CCDC106: variants seen among roughly 807,000 people sequenced by gnomAD.
CCDC106 encodes coiled-coil domain-containing protein 106.
A neutral mutation model predicts 24.7 loss-of-function variants in CCDC106; 17 were observed. The observed-to-expected ratio is 0.69, with a 90% CI of 0.47 to 1.03. The LOEUF (loss-of-function observed/expected upper bound fraction) is 1.03. Ranked by LOEUF, CCDC106 falls within the 50% of genes least tolerant of loss-of-function variation. CCDC106 has a pLI of 0.00. For synonymous variants in CCDC106, 211 were observed against 161.3 expected (o/e 1.31, Z -2.34); for missense variants, 337 against 388.9 (o/e 0.87, Z 1.12).
Position 55,651,435 on chromosome 19 carries a change from C to G in CCDC106, c.466C>G (p.Gln156Glu). The G allele has an allele frequency of 6.2e-7, 1 of 1,605,732 alleles. No individual in the cohort carries two copies. The highest frequency in any genetic ancestry group is 1.1e-5 in the South Asian group (1 of 89,826). ...CGCCAGTGAGAGGAGGCGGCAGAAG[C>G]AGAAGGGAGGTGCTAGTCGGAGGCG... ...GSASERRRQK[Q>E]KGGASRRRFG... Residue 156 changes from glutamine to glutamate, a missense_variant, in exon 4 of 5, where the codon CAG (glutamine) becomes GAG (glutamate). By Grantham distance (29) the Gln-to-Glu change is conservative. Transcript: ENST00000586790.
rs914679707 is a variant in CCDC106 at position 55,648,276 on chromosome 19, G to C, written c.-771G>C. Reference sequence around the variant, plus strand: ...GGTCCCCGAGCCGGATTCCGCGAGCGGGTGGGTGAGCGCGGGGGGCCTCGG... The same window carrying C: ...GGTCCCCGAGCCGGATTCCGCGAGCCGGTGGGTGAGCGCGGGGGGCCTCGG... On this transcript the variant is annotated 5_prime_UTR_variant, in exon 1 of 5. Coordinates refer to ENST00000586790, the MANE Select transcript of CCDC106 (RefSeq NM_001370470.1). 2 of 152,188 alleles carry C rather than the reference G, an allele frequency of 1.3e-5. No individual in the cohort carries two copies. The highest frequency in any genetic ancestry group is 2.9e-5 in the Non-Finnish European group (2 of 68,028). The allele number at this position is 152,188 out of a possible 1,614,324, so 9.4% of individuals were successfully genotyped here. A position where few individuals can be genotyped will look rare whatever the true frequency, so the allele number is the denominator to read the frequency against.
chr19:55,653,036 G>T lies in CCDC106; in HGVS notation c.*290G>T, dbSNP rs563939615. ...TCGAGTGGGGGACTGTACAGACCCC[G>T]TCTCCGCCCTGGCCCCGCGGAGGAG... On this transcript the variant is annotated 3_prime_UTR_variant, in exon 5 of 5. Coordinates refer to ENST00000586790, the MANE Select transcript of CCDC106 (RefSeq NM_001370470.1). The T allele has an allele frequency of 1.5e-4, 54 of 371,400 alleles. No individual in the cohort carries two copies. Among genetic ancestry groups the T allele is most frequent in the African/African-American group, 9.0e-4 (42 of 46,496 alleles). 23.0% of individuals were successfully genotyped at this position (371,400 alleles called of 1,614,324 possible). A position where few individuals can be genotyped will look rare whatever the true frequency, so the allele number is the denominator to read the frequency against.
Position 55,648,281 on chromosome 19 carries a change from G to A in CCDC106, c.-766G>A, listed in dbSNP as rs968766982. ...CCGAGCCGGATTCCGCGAGCGGGTG[G>A]GTGAGCGCGGGGGGCCTCGGCCCCT... is the stretch of plus-strand genomic sequence containing the variant. On this transcript the variant is annotated 5_prime_UTR_variant, in exon 1 of 5. Transcript: ENST00000586790. 1 of 152,184 alleles carries A rather than the reference G, an allele frequency of 6.6e-6. No homozygotes were observed. The highest frequency in any genetic ancestry group is 1.5e-5 in the Non-Finnish European group (1 of 68,018). 9.4% of individuals were successfully genotyped at this position (152,184 alleles called of 1,614,324 possible).
rs1457643594 is a variant in CCDC106 at position 55,649,031 on chromosome 19, C to T, written c.-16C>T. Reference sequence around the variant, plus strand: ...CCTGAGGCCCTCGGCTGCTGGGGTCCGTAGGAAGCCGCGCCATGAATGACC... The same window carrying T: ...CCTGAGGCCCTCGGCTGCTGGGGTCTGTAGGAAGCCGCGCCATGAATGACC... On this transcript the variant is annotated 5_prime_UTR_variant, in exon 1 of 5. Coordinates refer to ENST00000586790, the MANE Select transcript of CCDC106 (RefSeq NM_001370470.1). 2 of 1,612,652 alleles carry T rather than the reference C, an allele frequency of 1.2e-6. No homozygotes were observed. Among genetic ancestry groups the T allele is most frequent in the Admixed American group, 1.7e-5 (1 of 60,020 alleles).
At position 55,649,450 on chromosome 19, in the gene CCDC106, G is replaced by A; in HGVS notation, c.179G>A (p.Ser60Asn). The change falls in exon 3 of 5, where the codon AGC becomes AAC. Residue 60 changes from serine to asparagine, a missense_variant. Ser to Asn is a conservative substitution (Grantham distance 46). Around this residue, in one of 2 missense-constraint regions of CCDC106, gnomAD observed 234 missense variants for 236.5 expected, o/e 0.99. Transcript: ENST00000586790. ...AASSALALMNSVKTQLHMALE... is the reference protein window; with the variant it reads ...AASSALALMNNVKTQLHMALE... ...TCCTCCGCCCTGGCTCTGATGAACA[G>A]CGTCAAGACCCAGCTGCACATGGCT... 4.3e-6 allele frequency: 7 copies of A among 1,614,136 alleles called. No individual in the cohort carries two copies. Among genetic ancestry groups the A allele is most frequent in the Non-Finnish European group, 5.9e-6 (7 of 1,179,994 alleles).
upstream of CCDC106, among the ~76,000 whole-genome samples, chr19:55,647,552 G>A (rs1276277661): frequency 6.6e-6 from 1 of 152,178 alleles, no homozygotes; most frequent in Non-Finnish European, 1.5e-5. Context: ...AATTTAGAAG[G>A]GCTTGTAATT....
In CCDC106 at chr19:55,652,008, CCACCTTGGG is replaced by C. The variant is rs1334847673; in HGVS notation, c.527-416_527-408del. 6.6e-6 allele frequency among the ~76,000 whole-genome samples: 1 copy of C among 152,106 alleles called. No homozygotes were observed. Among genetic ancestry groups the C allele is most frequent in the Non-Finnish European group, 1.5e-5 (1 of 68,018 alleles). On this transcript the variant is annotated intron_variant, in intron 4 of 4. Transcript: ENST00000586790. The surrounding 1 kb of genome is among the most constrained non-coding windows in gnomAD (Gnocchi z 5.9). ...TTTTGGTCCACCGTCGAGGGCAGGG[CCACCTTGGG>C]CACCTCCTTAACTTTCATCAGTAAG...
chr19:55,649,057 G>A lies in CCDC106; in HGVS notation c.11G>A (p.Arg4Gln). The A allele has an allele frequency of 1.2e-6, 2 of 1,613,622 alleles. No homozygotes were observed. ...GTAGGAAGCCGCGCCATGAATGACCGGAGCAGTCGGAGGCGGACAAGTGAG... is the reference window on the plus strand; with the variant it reads ...GTAGGAAGCCGCGCCATGAATGACCAGAGCAGTCGGAGGCGGACAAGTGAG... The part of the protein sequence containing the change: MND[R>Q]SSRRRTMKDD... Residue 4 changes from arginine (R) to glutamine (Q), a missense_variant, in exon 1 of 5, where the codon CGG becomes CAG. Around this residue, in one of 2 missense-constraint regions of CCDC106, gnomAD observed 234 missense variants for 236.5 expected, o/e 0.99. Coordinates refer to ENST00000586790, the MANE Select transcript of CCDC106 (RefSeq NM_001370470.1).
At chr19:55,649,770 T>C in intron 3 of CCDC106, 186 bp downstream of exon 3, 1 of 607,738 alleles carries the variant, frequency 1.6e-6, no homozygotes, top group East Asian at 2.8e-5. Context: ...CAGGGCCTCA[T>C]CCCCATGAAC....
Position 55,652,681 on chromosome 19 carries a change from A to C in CCDC106, c.778A>C (p.Lys260Gln). The C allele has an allele frequency of 6.2e-7, 1 of 1,613,006 alleles. No homozygotes were observed. Among genetic ancestry groups the C allele is most frequent in the Non-Finnish European group, 8.5e-7 (1 of 1,179,914 alleles). The part of the protein sequence containing the change: ...CFLALDDETL[K>Q]KVQALKKSKL... ...TCTGGCCCTGGACGACGAGACGCTC[A>C]AGAAGGTGCAGGCGCTCAAGAAGAG... Residue 260 changes from lysine (K) to glutamine (Q), a missense_variant, in exon 5 of 5, where the codon AAG becomes CAG. Lys to Gln is a moderately conservative substitution (Grantham distance 53). Coordinates refer to ENST00000586790, the MANE Select transcript of CCDC106 (RefSeq NM_001370470.1). The surrounding 1 kb of genome is among the most constrained non-coding windows in gnomAD (Gnocchi z 5.9).
Position 55,652,993 on chromosome 19 carries a change from C to A in CCDC106, c.*247C>A. 2.1e-6 allele frequency: 1 copy of A among 470,124 alleles called. No homozygotes were observed. The highest frequency in any genetic ancestry group is 3.8e-6 in the Non-Finnish European group (1 of 266,472). 29.1% of individuals were successfully genotyped at this position (470,124 alleles called of 1,614,324 possible). On this transcript the variant is annotated 3_prime_UTR_variant, in exon 5 of 5. Transcript: ENST00000586790. This position sits in a 1 kb window ranked among gnomAD's most constrained non-coding sequence, Gnocchi z 5.9. ...GGCCCCTTCCTCCTGGAAAACCAGG[C>A]AGGCGGGTGCCCCCCCCTCGAGTGG...
In CCDC106 at chr19:55,649,322, G is replaced by A. The variant is rs771498342; in HGVS notation, c.136+13G>A. ...AGAAACTTCGAGGGTGAGCTGAGGG[G>A]GTGTGGAGGGACTGGAGTCAGCTGG... On this transcript the variant is annotated intron_variant, in intron 2 of 4. Coordinates refer to ENST00000586790, the MANE Select transcript of CCDC106 (RefSeq NM_001370470.1). 16 of 1,612,558 alleles carry A rather than the reference G, an allele frequency of 9.9e-6. No homozygotes were observed. The highest frequency in any genetic ancestry group is 1.6e-4 in the Middle Eastern group (1 of 6,082).
intron 3 of CCDC106, 135 bp from the exon 4 acceptor site, chr19:55,651,148 C>G (rs1983231732): frequency 1.4e-6 from 1 of 716,220 alleles, no homozygotes; most frequent in African/African-American, 1.7e-5. Flanking sequence ...CTACCGTACT[C>G]CTTGTCTCTC....
At chr19:55,651,023 G>A (rs559941910) in intron 3 of CCDC106, among the ~76,000 whole-genome samples, 1 of 152,284 alleles carries the variant, frequency 6.6e-6, no homozygotes, top group East Asian at 1.9e-4. Flanking sequence ...GGGTCCTGAG[G>A]CCCCTGGTCG....
upstream of CCDC106, among the ~76,000 whole-genome samples, chr19:55,647,730 C>G (rs1982954314): frequency 6.6e-6 from 1 of 152,152 alleles, no homozygotes; most frequent in Admixed American, 6.5e-5. Context: ...TTTTGGCCCC[C>G]ACATCCCTGA....
chr19:55,652,307 T>G lies in CCDC106; in HGVS notation c.527-123T>G. ...TTGCCTGTTGTTCTCCGTCTCCACC[T>G]GCACCGGCCCGTGCCTCTGCTCGCC... On this transcript the variant is annotated intron_variant, in intron 4 of 4. Coordinates refer to ENST00000586790, the MANE Select transcript of CCDC106 (RefSeq NM_001370470.1). The surrounding 1 kb of genome is among the most constrained non-coding windows in gnomAD (Gnocchi z 5.9). 1.3e-6 allele frequency: 1 copy of G among 779,146 alleles called. No individual in the cohort carries two copies. The highest frequency in any genetic ancestry group is 2.1e-6 in the Non-Finnish European group (1 of 482,286). The allele number at this position is 779,146 out of a possible 1,614,324, so 48.3% of individuals were successfully genotyped here.
rs1983037908 is a variant in CCDC106, at chr19:55,648,813, C to T, written c.-234C>T. ...AGGACCTAGGCGGCTGGGCCCCCTG[C>T]CCCTGACTCCAGGAGCCCAGGAGTT... is the stretch of plus-strand genomic sequence containing the variant. On this transcript the variant is annotated 5_prime_UTR_variant, in exon 1 of 5. Coordinates refer to ENST00000586790, the MANE Select transcript of CCDC106 (RefSeq NM_001370470.1). The T allele has an allele frequency of 3.4e-6, 2 of 592,040 alleles. No homozygotes were observed. The highest frequency in any genetic ancestry group is 6.0e-6 in the Non-Finnish European group (2 of 332,240). 36.7% of individuals were successfully genotyped at this position (592,040 alleles called of 1,614,324 possible).
At chr19:55,650,795 G>A (rs1011553777) in intron 3 of CCDC106, among the ~76,000 whole-genome samples, 11 of 152,180 alleles carry the variant, frequency 7.2e-5, no homozygotes, top group Non-Finnish European at 1.5e-4. Flanking sequence ...GCCTTCTAGA[G>A]GAATCTGTGT....
Position 55,652,038 on chromosome 19 carries a change from G to A in CCDC106, c.527-392G>A, listed in dbSNP as rs1432706829. ...TTGGGCACCTCCTTAACTTTCATCAGTAAGGAGGAGGTGCGCAGTAGGACC... is the reference window on the plus strand; with the variant it reads ...TTGGGCACCTCCTTAACTTTCATCAATAAGGAGGAGGTGCGCAGTAGGACC... On this transcript the variant is annotated intron_variant, in intron 4 of 4. Coordinates refer to ENST00000586790, the MANE Select transcript of CCDC106 (RefSeq NM_001370470.1). This position sits in a 1 kb window ranked among gnomAD's most constrained non-coding sequence, Gnocchi z 5.9. Among the ~76,000 whole-genome samples, 1 of 152,102 alleles carries A rather than the reference G, an allele frequency of 6.6e-6. No individual in the cohort carries two copies. The highest frequency in any genetic ancestry group is 2.4e-5 in the African/African-American group (1 of 41,404).
Sources: allele counts gnomAD v4.1 joint callset (sites outside exome capture counted in the v4.1 genomes callset), GRCh38; gene constraint gnomAD v4.1.1; regional missense constraint gnomAD v4.1.1; non-coding constraint Gnocchi (gnomAD v3.1); transcripts MANE v1.5; gene names NCBI Gene and HGNC (gene_info 2026-07-23, HGNC 2026-07-21).